LMX1A: variants seen among roughly 807,000 people sequenced by gnomAD.
The protein encoded by LMX1A is LIM homeobox transcription factor 1-alpha.
A neutral mutation model predicts 49.1 loss-of-function variants in LMX1A; 15 were observed. That is an observed-to-expected ratio of 0.31 (90% CI 0.20 to 0.47). LMX1A has a LOEUF of 0.47. LMX1A is among the 20% of genes least tolerant of loss of function. The pLI, the probability that LMX1A is intolerant of heterozygous loss-of-function variation, is 1.00. For missense variants in LMX1A, 372 were observed against 475.8 expected, an observed-to-expected ratio of 0.78 and a Z score of 2.03; for synonymous variants, 167 against 185.7, an observed-to-expected ratio of 0.90 and a Z score of 0.82.
At chr1:165,306,958 T>C (rs957006570) in intron 3 of LMX1A, among the ~76,000 whole-genome samples, 1 of 152,226 alleles carries the variant, frequency 6.6e-6, no homozygotes, top group Admixed American at 6.5e-5. Flanking sequence ...CAGCCTGAGC[T>C]GCTGGCAGCA....
intron 3 of LMX1A, among the ~76,000 whole-genome samples, chr1:165,261,500 A>T (rs1653439997): frequency 6.6e-6 from 1 of 152,226 alleles, no homozygotes; most frequent in East Asian, 1.9e-4. Flanking sequence ...AAAATTAAAA[A>T]TAGAATTACC....
At chr1:165,218,586 C>T (rs1651723329) in intron 4 of LMX1A, 1 of 152,306 alleles carries the variant, frequency 6.6e-6, no homozygotes, top group Admixed American at 6.5e-5. Flanking sequence ...TTTGTTTTCT[C>T]TTTCAGCAGG....
intron 4 of LMX1A, among the ~76,000 whole-genome samples, chr1:165,225,470 C>A (rs1290373155): frequency 2.6e-5 from 4 of 152,174 alleles, no homozygotes. Flanking sequence ...CTGACAGTAC[C>A]ATCACAAACA....
In LMX1A at chr1:165,321,032, C is replaced by T. The variant is rs1315895453; in HGVS notation, c.263+32044G>A. 5.9e-5 allele frequency among the ~76,000 whole-genome samples: 9 copies of T among 152,296 alleles called. 1 individual carries two copies. In the South Asian group the frequency reaches 1.9e-3, roughly 32 times the overall value. ...GCTGAATGATAAACAAAATGTGGTA[C>T]ATCCATACAATCAAATACTACTCAT... On this transcript the variant is annotated intron_variant, in intron 3 of 8. Transcript: ENST00000342310.
At chr1:165,292,486 C>T (rs915512088) in intron 3 of LMX1A, among the ~76,000 whole-genome samples, 1 of 152,106 alleles carries the variant, frequency 6.6e-6, no homozygotes, top group Non-Finnish European at 1.5e-5. Context: ...CTATAAGGCT[C>T]ATATGGAGAA....
chr1:165,294,596 G>A (rs185058217), intron 3 of LMX1A, among the ~76,000 whole-genome samples: 35 of 152,340 alleles, frequency 2.3e-4, no homozygotes, highest in African/African-American at 7.2e-4. Context: ...TATTGCCTAA[G>A]TTTGTTTATT....
chr1:165,219,865 T>C (rs73027283), intron 4 of LMX1A, among the ~76,000 whole-genome samples: 47 of 152,222 alleles, frequency 3.1e-4, no homozygotes, highest in African/African-American at 1.0e-3. Flanking sequence ...TATATGTGAT[T>C]AGTAGAGGAT....
chr1:165,302,465 G>GA (rs200862988), intron 3 of LMX1A, among the ~76,000 whole-genome samples: 156 of 151,598 alleles, frequency 1.0e-3, no homozygotes, highest in Non-Finnish European at 1.2e-3. Context: ...TAAAATAAAG[G>GA]AAAAAAAAGA....
At chr1:165,330,344 C>A (rs890826196) in intron 3 of LMX1A, among the ~76,000 whole-genome samples, 2 of 152,210 alleles carry the variant, frequency 1.3e-5, no homozygotes, top group Non-Finnish European at 2.9e-5. Context: ...CATGATGGCA[C>A]ATGCCTGTAG....
rs1397527982 is a variant in LMX1A, at chr1:165,287,367, AC to A, written c.264-37728del. On this transcript the variant is annotated intron_variant, in intron 3 of 8. Coordinates refer to ENST00000342310, the MANE Select transcript of LMX1A (RefSeq NM_177398.4). ...TCCTGATAGGTAAATTGGAGCTCGG[AC>A]TACACCTCTCGGACTACACCTCTCC... is the stretch of plus-strand genomic sequence containing the variant. 2.0e-5 allele frequency among the ~76,000 whole-genome samples: 3 copies of A among 152,154 alleles called. No homozygotes were observed. The East Asian group carries it at 5.8e-4, about 29-fold the overall frequency.
At chr1:165,220,594 A>T (rs1651805383) in intron 4 of LMX1A, among the ~76,000 whole-genome samples, 2 of 152,216 alleles carry the variant, frequency 1.3e-5, no homozygotes, top group Non-Finnish European at 2.9e-5. Flanking sequence ...GTCAGGTTTC[A>T]TGCAAGGCTT....
intron 3 of LMX1A, among the ~76,000 whole-genome samples, chr1:165,303,570 G>A (rs1419649083): frequency 2.0e-5 from 3 of 152,204 alleles, no homozygotes; most frequent in Admixed American, 6.5e-5. Flanking sequence ...TGCTGGTCAC[G>A]GACTTGGCTT....
intron 3 of LMX1A, among the ~76,000 whole-genome samples, chr1:165,324,166 A>C (rs1655503032): frequency 6.6e-6 from 1 of 152,238 alleles, no homozygotes. Flanking sequence ...ATTACTTAGC[A>C]GTGCCTGCTT....
intron 3 of LMX1A, among the ~76,000 whole-genome samples, chr1:165,315,222 G>C (rs1395217204): frequency 1.3e-5 from 2 of 152,136 alleles, no homozygotes; most frequent in Non-Finnish European, 1.5e-5. Context: ...GTTTATGAAG[G>C]GGATGTCCCC....
intron 4 of LMX1A, among the ~76,000 whole-genome samples, chr1:165,220,602 C>T (rs12088133): frequency 0.11 from 16,505 of 152,188 alleles, 900 homozygotes; most frequent in South Asian, 0.16. Flanking sequence ...TCATGCAAGG[C>T]TTGTCTACTT....
chr1:165,211,891 T>C (rs568319991), intron 5 of LMX1A, among the ~76,000 whole-genome samples: 1 of 152,274 alleles, frequency 6.6e-6, no homozygotes, highest in East Asian at 1.9e-4. Flanking sequence ...CTCTCTGGTG[T>C]TACAGTAATG....
At chr1:165,237,416 G>T (rs59755210) in intron 4 of LMX1A, among the ~76,000 whole-genome samples, 37,346 of 151,782 alleles carry the variant, frequency 0.25, 5,036 homozygotes, top group African/African-American at 0.37. Flanking sequence ...TAGTAGAGAC[G>T]GGGTTTCACC....
chr1:165,213,099 A>ATTTT (rs374424839), intron 5 of LMX1A: 1 of 151,528 alleles, frequency 6.6e-6, no homozygotes, highest in Admixed American at 6.6e-5. Flanking sequence ...AAACCACTGT[A>ATTTT]TTTTTTTTTA....
At chr1:165,244,627 T>A (rs1652776763) in intron 4 of LMX1A, among the ~76,000 whole-genome samples, 1 of 152,084 alleles carries the variant, frequency 6.6e-6, no homozygotes, top group Non-Finnish European at 1.5e-5. Flanking sequence ...GAAAAAGCAA[T>A]TTTTTATTTT....
Sources: allele counts gnomAD v4.1 joint callset (sites outside exome capture counted in the v4.1 genomes callset), GRCh38; gene constraint gnomAD v4.1.1; transcripts MANE v1.5; gene names NCBI Gene and HGNC (gene_info 2026-07-23, HGNC 2026-07-21).